The following CDK14 variants were observed in gnomAD, a reference collection of about 807,000 sequenced individuals.
The protein encoded by CDK14 is cyclin dependent kinase 14, also known as cyclin-dependent kinase 14.
A neutral mutation model predicts 60.7 loss-of-function variants in CDK14; 34 were observed. That is an observed-to-expected ratio of 0.56 (90% CI 0.43 to 0.75). CDK14 has a LOEUF of 0.75. Ranked by LOEUF, CDK14 falls within the 30% of genes least tolerant of loss-of-function variation. The probability of loss-of-function intolerance (pLI) is 0.00; values close to 1 mark genes in which losing one functional copy is unlikely to be tolerated. For synonymous variants in CDK14, 197 were observed against 203.7 expected, an observed-to-expected ratio of 0.97 and a Z score of 0.28; for missense variants, 482 against 564.1, an observed-to-expected ratio of 0.85 and a Z score of 1.47.
intron 4 of CDK14, among the ~76,000 whole-genome samples, chr7:90,787,779 A>G (rs1805660252): frequency 6.6e-6 from 1 of 152,230 alleles, no homozygotes; most frequent in Non-Finnish European, 1.5e-5. Context: ...TATTAAAAAC[A>G]AACACTTGGA....
chr7:90,710,461 T>C, intron 2 of CDK14: 1 of 984,994 alleles, frequency 1.0e-6, no homozygotes, highest in South Asian at 4.7e-5. Flanking sequence ...TAAATATCTC[T>C]AATATATTAG....
intron 3 of CDK14, among the ~76,000 whole-genome samples, chr7:90,744,873 G>A (rs1461562000): frequency 2.1e-5 from 3 of 144,482 alleles, no homozygotes; most frequent in East Asian, 4.3e-4. Flanking sequence ...CCTCCCGGAC[G>A]GGGCGGCTGG....
At chr7:90,944,281 C>T (rs964115765) in intron 8 of CDK14, among the ~76,000 whole-genome samples, 1 of 152,174 alleles carries the variant, frequency 6.6e-6, no homozygotes, top group Non-Finnish European at 1.5e-5. Context: ...ACAGGTCCAT[C>T]CCTGTAGGCT....
intron 10 of CDK14, among the ~76,000 whole-genome samples, chr7:91,019,749 GA>G (rs1463439901): frequency 6.6e-6 from 1 of 152,124 alleles, no homozygotes; most frequent in Non-Finnish European, 1.5e-5. Flanking sequence ...CCAACAAAGG[GA>G]CTACTAAAGG....
rs146099402 is a variant in CDK14 at position 90,844,418 on chromosome 7, G to A, written c.545-18757G>A. ...CTCCCTTTCAACTAATACTGTGTTC[G>A]TCTGGAACAGATGGTAGAAAGAGCA... On this transcript the variant is annotated intron_variant, in intron 5 of 14. Coordinates refer to ENST00000380050, the MANE Select transcript of CDK14 (RefSeq NM_001287135.2). Among the ~76,000 whole-genome samples the A allele has an allele frequency of 3.0e-3, 451 of 152,254 alleles. 2 individuals are homozygous for A. The highest frequency in any genetic ancestry group is 0.01 in the African/African-American group (418 of 41,552).
At chr7:90,952,879 G>C (rs1343803513) in intron 8 of CDK14, among the ~76,000 whole-genome samples, 1 of 152,106 alleles carries the variant, frequency 6.6e-6, no homozygotes, top group Non-Finnish European at 1.5e-5. Context: ...AATTTTGCAT[G>C]AGTAAGCATG....
chr7:91,112,822 G>GGTGTGTGTGTGTGT, intron 13 of CDK14, 141 bp downstream of exon 13: 1 of 687,562 alleles, frequency 1.5e-6, no homozygotes, highest in South Asian at 2.0e-5. Context: ...GTGCATTACA[G>GGTGTGTGTGTGTGT]GTGTGTGTGT....
chr7:90,674,775 T>C (rs1188391729), intron 2 of CDK14, among the ~76,000 whole-genome samples: 1 of 152,090 alleles, frequency 6.6e-6, no homozygotes, highest in African/African-American at 2.4e-5. Flanking sequence ...AACTGGCCAC[T>C]CCAGACCTCC....
chr7:90,755,874 G>C (rs573538482), intron 4 of CDK14, among the ~76,000 whole-genome samples: 22 of 152,232 alleles, frequency 1.4e-4, no homozygotes, highest in Middle Eastern at 6.8e-3. Context: ...TCAATAACAT[G>C]ATAACTACCC....
intron 10 of CDK14, among the ~76,000 whole-genome samples, chr7:90,988,468 C>T (rs189597140): frequency 6.6e-6 from 1 of 152,218 alleles, no homozygotes; most frequent in East Asian, 1.9e-4. Flanking sequence ...TAGCATTACC[C>T]AGTTTTTAAT....
chr7:91,126,638 A>C lies in CDK14; in HGVS notation c.*28+8430A>C, dbSNP rs1036524302. ...TCTTGTGTTCTTTAGAAACTGGCAC[A>C]TCTCAGAGGTGTAGCTCTCAAAATG... On this transcript the variant is annotated intron_variant, in intron 14 of 14. Coordinates refer to ENST00000380050, the MANE Select transcript of CDK14 (RefSeq NM_001287135.2). 9.9e-5 allele frequency among the ~76,000 whole-genome samples: 15 copies of C among 152,170 alleles called. 1 individual carries two copies.
At chr7:90,768,900 A>G (rs1473500910) in intron 4 of CDK14, among the ~76,000 whole-genome samples, 14 of 152,252 alleles carry the variant, frequency 9.2e-5, no homozygotes. Context: ...TCTACCATGG[A>G]CACAGGACAT....
At chr7:90,622,554 C>T (rs770634836) in intron 2 of CDK14, among the ~76,000 whole-genome samples, 3 of 152,196 alleles carry the variant, frequency 2.0e-5, no homozygotes, top group Non-Finnish European at 4.4e-5. Context: ...TTTTCTTCTT[C>T]ATTCCCAAGA....
intron 10 of CDK14, among the ~76,000 whole-genome samples, chr7:90,999,530 A>G (rs568297618): frequency 7.1e-4 from 108 of 152,180 alleles, no homozygotes; most frequent in Admixed American, 2.7e-3. Flanking sequence ...CGGAGGTTGC[A>G]GTGAGCCGAG....
At chr7:90,596,818 G>GGCA in intron 1 of CDK14, 100 bp downstream of exon 1, 3 of 982,518 alleles carry the variant, frequency 3.1e-6, no homozygotes, top group Non-Finnish European at 4.7e-6. Flanking sequence ...CAGCGGGGCT[G>GGCA]GCGTGGGGTG....
chr7:91,149,114 A>G (rs1800749407), intron 14 of CDK14, among the ~76,000 whole-genome samples: 1 of 152,342 alleles, frequency 6.6e-6, no homozygotes, highest in African/African-American at 2.4e-5. Flanking sequence ...CAAAAGGTCC[A>G]TATCAAGATA....
At position 90,614,584 on chromosome 7, in the gene CDK14, T is replaced by A. The variant is rs568529452; in HGVS notation, c.123+10335T>A. Among the ~76,000 whole-genome samples, 220 of 152,096 alleles carry A rather than the reference T, an allele frequency of 1.4e-3. 2 individuals carry two copies. Among genetic ancestry groups the A allele is most frequent in the African/African-American group, 5.2e-3 (215 of 41,554 alleles). ...TTTCCTTCTTTCTTAGCAACTTAGTTTTCTTAAATTTCTTTTTAAAATTAA... is the reference window on the plus strand; with the variant it reads ...TTTCCTTCTTTCTTAGCAACTTAGTATTCTTAAATTTCTTTTTAAAATTAA... On this transcript the variant is annotated intron_variant, in intron 2 of 14. Transcript: ENST00000380050.
chr7:90,683,970 A>C (rs1208291393), intron 2 of CDK14, among the ~76,000 whole-genome samples: 1 of 151,890 alleles, frequency 6.6e-6, no homozygotes, highest in Non-Finnish European at 1.5e-5. Flanking sequence ...ATGTATGTGT[A>C]TATATGCACA....
intron 9 of CDK14, among the ~76,000 whole-genome samples, chr7:90,981,463 A>G (rs1489234759): frequency 6.6e-6 from 1 of 152,208 alleles, no homozygotes; most frequent in Non-Finnish European, 1.5e-5. Flanking sequence ...AACACTGTAT[A>G]CTATTGGTGT....
Sources: gnomAD v4.1 joint callset for allele counts (sites outside exome capture counted in the v4.1 genomes callset) on GRCh38, gnomAD v4.1.1 for gene constraint, MANE v1.5 for transcripts, NCBI Gene and HGNC (gene_info 2026-07-23, HGNC 2026-07-21) for gene names.